The following CPQ variants were observed in gnomAD, a reference collection of about 807,000 sequenced individuals.
CPQ encodes Ser-Met dipeptidase.
A neutral mutation model predicts 45.7 loss-of-function variants in CPQ; 37 were observed. That is an observed-to-expected ratio of 0.81 (90% CI 0.62 to 1.07). The LOEUF (loss-of-function observed/expected upper bound fraction) is 1.07. Among genes scored for constraint, CPQ ranks in the 50% least tolerant of loss-of-function variants. The pLI, the probability that CPQ is intolerant of heterozygous loss-of-function variation, is 0.00. For missense variants in CPQ, 537 were observed against 572.9 expected (o/e 0.94, Z 0.64); for synonymous variants, 186 against 205.8 (o/e 0.90, Z 0.82).
chr8:96,661,954 T>G (rs1474450918), intron 1 of CPQ, among the ~76,000 whole-genome samples: 5 of 152,228 alleles, frequency 3.3e-5, no homozygotes, highest in African/African-American at 1.2e-4. Context: ...GCATTTGGTG[T>G]TGTCAGTATT....
intron 1 of CPQ, among the ~76,000 whole-genome samples, chr8:96,784,304 G>T (rs1382016069): frequency 6.6e-6 from 1 of 150,680 alleles, no homozygotes; most frequent in Non-Finnish European, 1.5e-5. Context: ...ACATACCACA[G>T]TTTGTGGCAT....
intron 1 of CPQ, among the ~76,000 whole-genome samples, chr8:96,711,102 A>T (rs545253372): frequency 6.6e-6 from 1 of 151,670 alleles, no homozygotes; most frequent in Admixed American, 6.6e-5. Context: ...TTTTCTTACT[A>T]TTATTGCTTT....
chr8:96,732,805 G>A (rs955546983), intron 1 of CPQ, among the ~76,000 whole-genome samples: 4 of 152,274 alleles, frequency 2.6e-5, no homozygotes, highest in Middle Eastern at 3.4e-3. Context: ...CTGAACAGGG[G>A]CCCTACATGG....
intron 4 of CPQ, among the ~76,000 whole-genome samples, chr8:96,965,417 C>T (rs1223043736): frequency 7.5e-5 from 11 of 145,736 alleles, no homozygotes; most frequent in Admixed American, 2.1e-4. Flanking sequence ...TCTGCCACCC[C>T]GGAGTGCAGT....
intron 7 of CPQ, among the ~76,000 whole-genome samples, chr8:97,067,886 A>G (rs2130531767): frequency 6.6e-6 from 1 of 152,274 alleles, no homozygotes; most frequent in East Asian, 1.9e-4. Flanking sequence ...ATTATATAGA[A>G]TCATTTGTAT....
At chr8:97,025,392 T>A (rs1243103025) in intron 5 of CPQ, among the ~76,000 whole-genome samples, 1 of 152,176 alleles carries the variant, frequency 6.6e-6, no homozygotes, top group Non-Finnish European at 1.5e-5. Context: ...CTATAAACTG[T>A]TGCATTATCT....
chr8:97,089,262 GAAA>G (rs1811092644), intron 7 of CPQ, among the ~76,000 whole-genome samples: 9 of 146,614 alleles, frequency 6.1e-5, no homozygotes, highest in African/African-American at 1.8e-4. Flanking sequence ...AAAAAAAAGA[GAAA>G]AGAAAAGAAA....
At chr8:97,067,800 G>A (rs1268648204) in intron 7 of CPQ, among the ~76,000 whole-genome samples, 2 of 152,102 alleles carry the variant, frequency 1.3e-5, no homozygotes, top group South Asian at 2.1e-4. Context: ...TACTTCTCTG[G>A]ACAGATCCAA....
chr8:97,043,899 C>G (rs1810181985), intron 6 of CPQ, among the ~76,000 whole-genome samples: 1 of 152,218 alleles, frequency 6.6e-6, no homozygotes, highest in Non-Finnish European at 1.5e-5. Flanking sequence ...CGACCTTTCT[C>G]TCTGGCTGCC....
At chr8:97,009,805 C>T (rs1809450181) in intron 5 of CPQ, among the ~76,000 whole-genome samples, 1 of 152,098 alleles carries the variant, frequency 6.6e-6, no homozygotes, top group African/African-American at 2.4e-5. Flanking sequence ...GCATAGGGTA[C>T]AGTGGAAGAA....
At chr8:96,871,785 T>C (rs547163089) in intron 3 of CPQ, among the ~76,000 whole-genome samples, 1 of 152,036 alleles carries the variant, frequency 6.6e-6, no homozygotes, top group East Asian at 1.9e-4. Flanking sequence ...ATGTACTGCT[T>C]TCGACCCATT....
chr8:96,888,843 A>G (rs1243537238), intron 4 of CPQ, among the ~76,000 whole-genome samples: 1 of 152,120 alleles, frequency 6.6e-6, no homozygotes, highest in Non-Finnish European at 1.5e-5. Context: ...TTTTTATTAT[A>G]TTCTTTTTAA....
chr8:96,670,888 T>A, intron 1 of CPQ, among the ~76,000 whole-genome samples: 1 of 151,026 alleles, frequency 6.6e-6, no homozygotes. Flanking sequence ...GGGGTGGGAG[T>A]AGAGGGATGC....
rs1471207126 is a variant in CPQ at position 96,772,047 on chromosome 8, G to A, written c.-34-12817G>A. ...AGGTATAAGTAGAGGTATGAGTAGG[G>A]TATATCTTGAATGCTGTGGGGTTTG... On this transcript the variant is annotated intron_variant, in intron 1 of 7. Transcript: ENST00000220763. Among the ~76,000 whole-genome samples, 9 of 152,116 alleles carry A rather than the reference G, an allele frequency of 5.9e-5. 1 individual carries two copies. The highest frequency in any genetic ancestry group is 6.6e-5 in the Admixed American group (1 of 15,262).
At chr8:97,019,506 T>C (rs1447777711) in intron 5 of CPQ, among the ~76,000 whole-genome samples, 1 of 152,160 alleles carries the variant, frequency 6.6e-6, no homozygotes, top group East Asian at 1.9e-4. Flanking sequence ...AGTGCTCACA[T>C]AAACTTAAGG....
chr8:96,698,243 G>T (rs1216787074), intron 1 of CPQ, among the ~76,000 whole-genome samples: 1 of 151,982 alleles, frequency 6.6e-6, no homozygotes, highest in Non-Finnish European at 1.5e-5. Flanking sequence ...AACATATATT[G>T]GGGAAAGAAC....
intron 2 of CPQ, among the ~76,000 whole-genome samples, chr8:96,829,512 A>G (rs893399450): frequency 6.6e-6 from 1 of 152,132 alleles, no homozygotes; most frequent in African/African-American, 2.4e-5. Flanking sequence ...AAGTTGGAAG[A>G]TCATAGAGTG....
intron 7 of CPQ, among the ~76,000 whole-genome samples, chr8:97,107,320 A>G (rs1233321952): frequency 6.6e-6 from 1 of 152,250 alleles, no homozygotes; most frequent in African/African-American, 2.4e-5. Flanking sequence ...GTTCTGTTCT[A>G]TAACTTGGTG....
intron 5 of CPQ, among the ~76,000 whole-genome samples, chr8:96,988,900 T>C (rs2130401401): frequency 6.6e-6 from 1 of 152,342 alleles, no homozygotes; most frequent in African/African-American, 2.4e-5. Flanking sequence ...ACTTTCCTTA[T>C]ATATTTATTC....
Sources: gnomAD v4.1 joint callset for allele counts (sites outside exome capture counted in the v4.1 genomes callset) on GRCh38, gnomAD v4.1.1 for gene constraint, MANE v1.5 for transcripts, NCBI Gene and HGNC (gene_info 2026-07-23, HGNC 2026-07-21) for gene names.